MICU3: variants seen among roughly 807,000 people sequenced by gnomAD.
MICU3 encodes calcium uptake protein 3, mitochondrial.
MICU3 carries 62 observed loss-of-function variants against 66.5 expected under a neutral mutation model. That is an observed-to-expected ratio of 0.93 (90% CI 0.76 to 1.15). MICU3 has a LOEUF of 1.15. Among genes scored for constraint, MICU3 ranks in the 50% most tolerant of loss-of-function variants. MICU3 has a pLI of 0.00. For missense variants in MICU3, 779 were observed against 664.4 expected (o/e 1.17, Z -1.90); for synonymous variants, 308 against 240.7 (o/e 1.28, Z -2.59).
intron 1 of MICU3, among the ~76,000 whole-genome samples, chr8:17,038,729 A>G (rs570982071): frequency 1.3e-5 from 2 of 152,252 alleles, no homozygotes; most frequent in South Asian, 4.1e-4. Flanking sequence ...CAAGGCAGGC[A>G]GATCATGAGG....
At chr8:17,128,229 TACACACAC>T in the MICU3 span, among the ~76,000 whole-genome samples, 5,213 of 144,510 alleles carry the variant, frequency 0.036, 131 homozygotes, top group Middle Eastern at 0.054. Flanking sequence ...GAGATCAGTG[TACACACAC>T]ACACACACAC....
chr8:17,062,027 A>G (rs1275376475), intron 1 of MICU3, among the ~76,000 whole-genome samples: 2 of 152,174 alleles, frequency 1.3e-5, no homozygotes, highest in African/African-American at 4.8e-5. Context: ...TCATTGCTCC[A>G]CTTAAGAATC....
chr8:17,072,184 C>T (rs1209050637), intron 3 of MICU3, among the ~76,000 whole-genome samples: 4 of 152,054 alleles, frequency 2.6e-5, no homozygotes, highest in Non-Finnish European at 5.9e-5. Context: ...AGTAGTATTA[C>T]ATCATTGCAA....
intron 1 of MICU3, among the ~76,000 whole-genome samples, chr8:17,037,684 C>A (rs1813277300): frequency 6.6e-6 from 1 of 152,128 alleles, no homozygotes; most frequent in Non-Finnish European, 1.5e-5. Context: ...CCTCCAGACC[C>A]CAGAATGGTA....
At chr8:17,084,407 T>C (rs1217782148) in intron 5 of MICU3, among the ~76,000 whole-genome samples, 2 of 152,114 alleles carry the variant, frequency 1.3e-5, no homozygotes, top group Non-Finnish European at 2.9e-5. Flanking sequence ...ACACTATCTG[T>C]GCCTCTTTTG....
intron 1 of MICU3, among the ~76,000 whole-genome samples, chr8:17,060,394 T>C (rs545167535): frequency 1.3e-5 from 2 of 151,826 alleles, no homozygotes; most frequent in African/African-American, 4.8e-5. Flanking sequence ...CCTCCCGGGT[T>C]ACGAGTGATT....
chr8:17,048,187 T>C (rs1169562127), intron 1 of MICU3, among the ~76,000 whole-genome samples: 1 of 152,208 alleles, frequency 6.6e-6, no homozygotes, highest in Non-Finnish European at 1.5e-5. Flanking sequence ...AAAATATTAC[T>C]ACATTTCACT....
chr8:17,138,537 C>G, the MICU3 span, among the ~76,000 whole-genome samples: 2 of 152,116 alleles, frequency 1.3e-5, no homozygotes, highest in Non-Finnish European at 2.9e-5. Context: ...CTTTAATTTA[C>G]CCAATGCTGG....
chr8:17,051,934 C>A (rs1816163311), intron 1 of MICU3, among the ~76,000 whole-genome samples: 1 of 151,922 alleles, frequency 6.6e-6, no homozygotes, highest in African/African-American at 2.4e-5. Context: ...AGGAATAGCA[C>A]CGTGCGTTAT....
chr8:17,087,083 T>A, intron 7 of MICU3, 48 bp downstream of exon 7: 1 of 1,160,352 alleles, frequency 8.6e-7, no homozygotes, highest in Non-Finnish European at 1.3e-6. Flanking sequence ...AGGCAACAAT[T>A]ATTTTATTCA....
intron 4 of MICU3, among the ~76,000 whole-genome samples, chr8:17,079,351 A>G (rs868154144): frequency 1.3e-5 from 2 of 152,106 alleles, no homozygotes; most frequent in Non-Finnish European, 2.9e-5. Flanking sequence ...CTGTAGTACA[A>G]TGCGTATCTG....
At chr8:17,136,313 T>C in the MICU3 span, among the ~76,000 whole-genome samples, 2 of 152,094 alleles carry the variant, frequency 1.3e-5, no homozygotes, top group African/African-American at 4.8e-5. Context: ...AAAAGTTATT[T>C]TTCATTATTT....
chr8:17,120,864 TTTAAC>T lies in MICU3; in HGVS notation c.*580_*584del, dbSNP rs1350794546. The stretch of plus-strand genomic sequence containing the variant: ...TATAAAACAATTGTTTACGTGTACT[TTTAAC>T]TTTTAAAAGTACTTAATTAACATAT... On this transcript the variant is annotated 3_prime_UTR_variant, in exon 15 of 15. Transcript: ENST00000318063. 2 of 152,424 alleles carry T rather than the reference TTTAAC, an allele frequency of 1.3e-5. No individual in the cohort carries two copies. The highest frequency in any genetic ancestry group is 4.8e-5 in the African/African-American group (2 of 41,442). 9.4% of individuals were successfully genotyped at this position (152,424 alleles called of 1,614,324 possible).
At chr8:17,088,076 A>G (rs1352922422) in intron 7 of MICU3, among the ~76,000 whole-genome samples, 3 of 151,986 alleles carry the variant, frequency 2.0e-5, no homozygotes, top group Non-Finnish European at 4.4e-5. Context: ...GATGGGTGCC[A>G]TATTCAATCC....
In MICU3 at chr8:17,070,510, G is replaced by T. The variant is rs1352280484; in HGVS notation, c.567+791G>T. 2.0e-5 allele frequency among the ~76,000 whole-genome samples: 3 copies of T among 152,034 alleles called. No individual in the cohort carries two copies. The East Asian group carries it at 5.8e-4, about 29-fold the overall frequency. ...TCAAGAAAGTATTCATCTTCAGGAT[G>T]ATAGCAGGGAATATCATCAGTGATG... On this transcript the variant is annotated intron_variant, in intron 3 of 14. Transcript: ENST00000318063.
the MICU3 span, chr8:17,132,530 CT>C: frequency 6.6e-6 from 1 of 152,202 alleles, no homozygotes. Context: ...TTCCTTGCCC[CT>C]AATGTATAAA....
the MICU3 span, among the ~76,000 whole-genome samples, chr8:17,135,618 C>T: frequency 1.3e-5 from 2 of 152,020 alleles, no homozygotes; most frequent in African/African-American, 4.8e-5. Context: ...CTATTTCTAT[C>T]TTCTGTATTA....
intron 1 of MICU3, among the ~76,000 whole-genome samples, chr8:17,037,104 G>T (rs533469532): frequency 1.3e-5 from 2 of 152,208 alleles, no homozygotes; most frequent in Admixed American, 6.5e-5. Flanking sequence ...CTGGCCGGCT[G>T]CTCCGACTGC....
Position 17,085,415 on chromosome 8 carries a change from G to C in MICU3, c.777+97G>C, listed in dbSNP as rs548097761. 7 of 684,716 alleles carry C rather than the reference G, an allele frequency of 1.0e-5. No homozygotes were observed. The East Asian group carries it at 1.9e-4, about 19-fold the overall frequency. The allele number at this position is 684,716 out of a possible 1,614,324, so 42.4% of individuals were successfully genotyped here. A position where few individuals can be genotyped will look rare whatever the true frequency, so the allele number is the denominator to read the frequency against. On this transcript the variant is annotated intron_variant, in intron 6 of 14. Transcript: ENST00000318063. ...ATTGGGAGTACTACTGTAGAGAAAA[G>C]AGTGAAAAACTTACGCTTTTGCCTT...
Sources: allele counts gnomAD v4.1 joint callset (sites outside exome capture counted in the v4.1 genomes callset), GRCh38; gene constraint gnomAD v4.1.1; transcripts MANE v1.5; gene names NCBI Gene and HGNC (gene_info 2026-07-23, HGNC 2026-07-21).